Variants in VCPIP1 observed in about 807,000 individuals in gnomAD.
VCPIP1 encodes valosin containing protein interacting protein 1, also known as deubiquitinating protein VCPIP1.
Under a neutral mutation model 85.0 loss-of-function variants are expected in VCPIP1, and 8 were observed. The observed-to-expected ratio is 0.09, with a 90% CI of 0.06 to 0.17. The LOEUF is 0.17. Among genes scored for constraint, VCPIP1 ranks in the 10% least tolerant of loss-of-function variants. The pLI is 1.00. For missense variants in VCPIP1, 1,070 were observed against 1,486.3 expected (o/e 0.72, Z 4.61); for synonymous variants, 543 against 544.5 (o/e 1.00, Z 0.04).
intron 1 of VCPIP1, among the ~76,000 whole-genome samples, chr8:66,653,268 G>A (rs1461785104): frequency 6.6e-6 from 1 of 152,104 alleles, no homozygotes; most frequent in Non-Finnish European, 1.5e-5. Flanking sequence ...AACCACTAGT[G>A]GTGGCTCTGA....
rs1170105437 is a variant in VCPIP1 at position 66,631,759 on chromosome 8, G to A, written c.*2742C>T. 6.6e-6 allele frequency: 1 copy of A among 152,488 alleles called. No homozygotes were observed. Among genetic ancestry groups the A allele is most frequent in the Non-Finnish European group, 1.5e-5 (1 of 67,960 alleles). The allele number at this position is 152,488 out of a possible 1,614,324, so 9.4% of individuals were successfully genotyped here. A position where few individuals can be genotyped will look rare whatever the true frequency, so the allele number is the denominator to read the frequency against. ...ATAAAAATATCTGAAACAGAGTGAA[G>A]CGGGAGAAATGGGTTTGCTCTTTAA... On this transcript the variant is annotated 3_prime_UTR_variant, in exon 3 of 3. Transcript: ENST00000310421.
At position 66,664,527 on chromosome 8, in the gene VCPIP1, G is replaced by A. The variant is rs765023228; in HGVS notation, c.2432C>T (p.Pro811Leu). 6.2e-7 allele frequency: 1 copy of A among 1,614,172 alleles called. No individual in the cohort carries two copies. The highest frequency in any genetic ancestry group is 1.1e-5 in the South Asian group (1 of 91,084). The change falls in exon 1 of 3, where the codon CCT becomes CTT. Residue 811 changes from proline to leucine, a missense_variant. Around this residue, in one of 8 missense-constraint regions of VCPIP1, gnomAD observed 278 missense variants for 298.5 expected, o/e 0.93. Coordinates refer to ENST00000310421, the MANE Select transcript of VCPIP1 (RefSeq NM_025054.5). Reference sequence around the variant, plus strand: ...GTATCGAATACACTGTAAATATGGAGGAATGTTGAATTCTCTGGCTATACT... The same window carrying A: ...GTATCGAATACACTGTAAATATGGAAGAATGTTGAATTCTCTGGCTATACT... ...QESIAREFNI[P>L]PYLQCIRYGF... is the part of the protein sequence containing the mutation.
At position 66,666,428 on chromosome 8, in the gene VCPIP1, A is replaced by T. The variant is rs971074394; in HGVS notation, c.531T>A (p.Thr177=). ...CGGAGCGGTCCTTGCCATAGCCCAC[A>T]GTGTTAACATGCTCTGGTTCTATGA... The part of the protein sequence containing the change: ...AFLIEPEHVN[T]VGYGKDRSGS... The change falls in exon 1 of 3, where the codon ACT becomes ACA. Residue 177 remains threonine, a synonymous_variant. Coordinates refer to ENST00000310421, the MANE Select transcript of VCPIP1 (RefSeq NM_025054.5). This position sits in a 1 kb window ranked among gnomAD's most constrained non-coding sequence, Gnocchi z 6.3. 3.7e-6 allele frequency: 6 copies of T among 1,614,038 alleles called. No homozygotes were observed. In the Middle Eastern group the frequency reaches 4.9e-4, roughly 133 times the overall value.
chr8:66,657,018 GCC>G (rs1811107230), intron 1 of VCPIP1, among the ~76,000 whole-genome samples: 2 of 152,162 alleles, frequency 1.3e-5, no homozygotes, highest in Admixed American at 1.3e-4. Context: ...CAATTCTCGT[GCC>G]TCAGCCTCCC....
At chr8:66,645,757 T>TACAAA (rs1810988975) in intron 2 of VCPIP1, among the ~76,000 whole-genome samples, 1 of 38,572 alleles carries the variant, frequency 2.6e-5, no homozygotes, top group Admixed American at 2.9e-4. Flanking sequence ...ACCCTGTCTC[T>TACAAA]ACAAAAAAAA....
Position 66,632,695 on chromosome 8 carries a change from T to C in VCPIP1, c.*1806A>G, listed in dbSNP as rs1369459505. ...TAAATCCCCCCAAAAAAAGTTCCAG[T>C]GGCTGAAAAAGCCAAAAATAATTAT... On this transcript the variant is annotated 3_prime_UTR_variant, in exon 3 of 3. Coordinates refer to ENST00000310421, the MANE Select transcript of VCPIP1 (RefSeq NM_025054.5). 6.6e-6 allele frequency: 1 copy of C among 152,114 alleles called. No individual in the cohort carries two copies. The highest frequency in any genetic ancestry group is 1.5e-5 in the Non-Finnish European group (1 of 67,920). 9.4% of individuals were successfully genotyped at this position (152,114 alleles called of 1,614,324 possible).
intron 2 of VCPIP1, among the ~76,000 whole-genome samples, chr8:66,644,897 G>C (rs1810979864): frequency 6.6e-6 from 1 of 151,646 alleles, no homozygotes; most frequent in African/African-American, 2.4e-5. Context: ...TCAGGAGTTT[G>C]AGACCAGCCT....
At chr8:66,656,684 A>C (rs962420584) in intron 1 of VCPIP1, among the ~76,000 whole-genome samples, 1 of 151,976 alleles carries the variant, frequency 6.6e-6, no homozygotes, top group East Asian at 1.9e-4. Context: ...ATCTTGGCTC[A>C]CTGCAGCCTC....
At chr8:66,651,826 G>C (rs1370034273) in intron 1 of VCPIP1, among the ~76,000 whole-genome samples, 1 of 151,984 alleles carries the variant, frequency 6.6e-6, no homozygotes, top group African/African-American at 2.4e-5. Context: ...CAAAATTCAA[G>C]TTTTTAATAT....
At position 66,666,249 on chromosome 8, in the gene VCPIP1, G is replaced by C; in HGVS notation, c.710C>G (p.Ala237Gly). The change falls in exon 1 of 3, where the codon GCC becomes GGC. Residue 237 changes from alanine to glycine, a missense_variant. Coordinates refer to ENST00000310421, the MANE Select transcript of VCPIP1 (RefSeq NM_025054.5). The surrounding 1 kb of genome is among the most constrained non-coding windows in gnomAD (Gnocchi z 6.3). ...GTGCTGTTTAAGATTCTCTCTTAAG[G>C]CATGCCAGAAGAGCTCTCGGCCTAC... ...ALVGRELFWH[A>G]LRENLKQHFQ... 2 of 1,614,048 alleles carry C rather than the reference G, an allele frequency of 1.2e-6. No individual in the cohort carries two copies. Among genetic ancestry groups the C allele is most frequent in the South Asian group, 2.2e-5 (2 of 91,082 alleles).
chr8:66,652,011 A>C (rs1188067074), intron 1 of VCPIP1, among the ~76,000 whole-genome samples: 2 of 117,680 alleles, frequency 1.7e-5, no homozygotes, highest in South Asian at 5.5e-4. Context: ...CTATCTCTAC[A>C]AAAAAAAAAA....
chr8:66,638,970 C>CTCTCTCTCTCTCTCTCTATATA, intron 2 of VCPIP1, among the ~76,000 whole-genome samples: 1 of 118,434 alleles, frequency 8.4e-6, no homozygotes, highest in Non-Finnish European at 1.6e-5. Context: ...CTCTCTCTCT[C>CTCTCTCTCTCTCTCTCTATATA]TATATATATA....
intron 2 of VCPIP1, among the ~76,000 whole-genome samples, chr8:66,642,839 G>A (rs1388165931): frequency 6.6e-6 from 1 of 150,446 alleles, no homozygotes; most frequent in East Asian, 1.9e-4. Flanking sequence ...CACAACTGAA[G>A]GAAATTATTT....
At chr8:66,652,799 A>C (rs1219080693) in intron 1 of VCPIP1, among the ~76,000 whole-genome samples, 1 of 152,220 alleles carries the variant, frequency 6.6e-6, no homozygotes, top group Admixed American at 6.5e-5. Flanking sequence ...GCAGGAACAT[A>C]ACAGTTACTA....
At position 66,664,901 on chromosome 8, in the gene VCPIP1, A is replaced by T. The variant is rs1205078710; in HGVS notation, c.2058T>A (p.Ser686=). The change falls in exon 1 of 3, where the codon TCT becomes TCA. Residue 686 remains serine, a synonymous_variant. Coordinates refer to ENST00000310421, the MANE Select transcript of VCPIP1 (RefSeq NM_025054.5). The stretch of plus-strand genomic sequence containing the variant: ...TAAGAATAATTTTAGTTGGGAGCTG[A>T]GACTCTGATTCTTGTCCTTGAACAT... The part of the protein sequence containing the change: ...VGDVQGQESE[S]QLPTKIILTG... The T allele has an allele frequency of 6.2e-7, 1 of 1,614,180 alleles. No homozygotes were observed. Among genetic ancestry groups the T allele is most frequent in the Admixed American group, 1.7e-5 (1 of 60,024 alleles).
chr8:66,666,914 AGGTGGCGGCGGCAACGGAGGC>A lies in VCPIP1; in HGVS notation c.24_44del (p.Leu11_Pro17del), dbSNP rs1270566067. The A allele has an allele frequency of 6.3e-7, 1 of 1,590,326 alleles. No individual in the cohort carries two copies. Among genetic ancestry groups the A allele is most frequent in the East Asian group, 2.2e-5 (1 of 44,736 alleles). ...GAGTCTGTGGAGCCTCAGGGGGAGG[AGGTGGCGGCGGCAACGGAGGC>A]GGCGGCGGCGGCGGCTGAGACATAG... is the stretch of plus-strand genomic sequence containing the variant. On this transcript the variant is annotated inframe_deletion, in exon 1 of 3. Transcript: ENST00000310421. This position sits in a 1 kb window ranked among gnomAD's most constrained non-coding sequence, Gnocchi z 6.3.
chr8:66,665,810 G>A lies in VCPIP1; in HGVS notation c.1149C>T (p.Asp383=), dbSNP rs759422749. Residue 383 remains aspartate (D), a synonymous_variant, in exon 1 of 3, where the codon GAC becomes GAT. Transcript: ENST00000310421. This position sits in a 1 kb window ranked among gnomAD's most constrained non-coding sequence, Gnocchi z 4.3. The part of the protein sequence containing the change: ...LLPKAWGVPQ[D]LIKKYIKLEE... ...CAAGTTTTATGTACTTTTTAATAAG[G>A]TCCTGAGGCACACCCCATGCTTTAG... 23 of 1,613,990 alleles carry A rather than the reference G, an allele frequency of 1.4e-5. No individual in the cohort carries two copies. The highest frequency in any genetic ancestry group is 3.3e-4 in the Middle Eastern group (2 of 6,084).
chr8:66,634,357 T>C lies in VCPIP1; in HGVS notation c.*144A>G. On this transcript the variant is annotated 3_prime_UTR_variant, in exon 3 of 3. Transcript: ENST00000310421. ...TTAAAAGCTATGGCCAATCACACAC[T>C]TGCTATCATGCACTGAATAACAAGA... 1.1e-6 allele frequency: 1 copy of C among 939,712 alleles called. No individual in the cohort carries two copies. The highest frequency in any genetic ancestry group is 1.5e-6 in the Non-Finnish European group (1 of 660,518). 58.2% of individuals were successfully genotyped at this position (939,712 alleles called of 1,614,324 possible). A position where few individuals can be genotyped will look rare whatever the true frequency, so the allele number is the denominator to read the frequency against.
intron 2 of VCPIP1, among the ~76,000 whole-genome samples, chr8:66,636,195 C>G (rs995031143): frequency 2.3e-4 from 33 of 141,678 alleles, no homozygotes; most frequent in African/African-American, 9.0e-4. Flanking sequence ...CGCCGCTATA[C>G]CACTATACTC....
Sources: gnomAD v4.1 joint callset for allele counts (sites outside exome capture counted in the v4.1 genomes callset) on GRCh38, gnomAD v4.1.1 for gene constraint, gnomAD v4.1.1 regional missense constraint, Gnocchi (gnomAD v3.1) non-coding constraint, MANE v1.5 for transcripts, NCBI Gene and HGNC (gene_info 2026-07-23, HGNC 2026-07-21) for gene names.